Variants in GABRA6 observed in about 807,000 individuals in gnomAD.
The protein encoded by GABRA6 is gamma-aminobutyric acid receptor subunit alpha-6.
GABRA6 carries 45 observed loss-of-function variants against 47.3 expected under a neutral mutation model. That is an observed-to-expected ratio of 0.95 (90% CI 0.75 to 1.22). The LOEUF (loss-of-function observed/expected upper bound fraction) is 1.22. GABRA6 is among the 50% of genes most tolerant of loss of function. The probability of loss-of-function intolerance (pLI) is 0.00; values close to 1 mark genes in which losing one functional copy is unlikely to be tolerated. For missense variants in GABRA6, 583 were observed against 549.3 expected (o/e 1.06, Z -0.61); for synonymous variants, 219 against 194.7 (o/e 1.12, Z -1.04).
chr5:161,692,300 A>C, intron 8 of GABRA6, 100 bp downstream of exon 8: 2 of 1,418,108 alleles, frequency 1.4e-6, no homozygotes, highest in Non-Finnish European at 2.0e-6. Context: ...TGAGTTGAGC[A>C]CAGGTTATAT....
intron 8 of GABRA6, among the ~76,000 whole-genome samples, chr5:161,699,179 CAT>C (rs1352884691): frequency 6.6e-6 from 1 of 152,122 alleles, no homozygotes; most frequent in African/African-American, 2.4e-5. Context: ...GAAAGAAAAA[CAT>C]GTTTCAGACA....
chr5:161,700,019 A>G (rs1475539268), intron 8 of GABRA6, among the ~76,000 whole-genome samples: 1 of 152,192 alleles, frequency 6.6e-6, no homozygotes, highest in East Asian at 1.9e-4. Flanking sequence ...GCCCCTAAAA[A>G]CAGTGAATTT....
chr5:161,687,341 A>T, intron 3 of GABRA6: 4 of 386,530 alleles, frequency 1.0e-5, no homozygotes, highest in South Asian at 8.4e-5. Flanking sequence ...AAACACACAG[A>T]TCTTATTCCA....
chr5:161,696,254 T>C (rs899210492), intron 8 of GABRA6, among the ~76,000 whole-genome samples: 2 of 152,124 alleles, frequency 1.3e-5, no homozygotes, highest in African/African-American at 2.4e-5. Flanking sequence ...GGTGGTAAGG[T>C]GCACTGGGCC....
intron 6 of GABRA6, 49 bp downstream of exon 6, chr5:161,689,828 T>C: frequency 6.5e-7 from 1 of 1,540,956 alleles, no homozygotes; most frequent in Non-Finnish European, 9.0e-7. Flanking sequence ...ATGACTCCAG[T>C]GCACATTTTC....
In GABRA6 at chr5:161,688,938, T is replaced by C; in HGVS notation, c.226-11T>C. The C allele has an allele frequency of 6.2e-7, 1 of 1,606,786 alleles. No homozygotes were observed. Among genetic ancestry groups the C allele is most frequent in the East Asian group, 2.2e-5 (1 of 44,852 alleles). The stretch of plus-strand genomic sequence containing the variant: ...CTTTCCAGCCCACACAAATATTTTA[T>C]TTTCTCTTAGGAGTATACGATGGAT... On this transcript the variant is annotated splice_polypyrimidine_tract_variant and intron_variant, in intron 3 of 8. Coordinates refer to ENST00000274545, the MANE Select transcript of GABRA6 (RefSeq NM_000811.3).
Position 161,701,946 on chromosome 5 carries a change from C to T in GABRA6, c.*173C>T, listed in dbSNP as rs1339102915. The T allele has an allele frequency of 3.0e-6, 2 of 659,676 alleles. No homozygotes were observed. Among genetic ancestry groups the T allele is most frequent in the Non-Finnish European group, 5.1e-6 (2 of 389,092 alleles). The allele number at this position is 659,676 out of a possible 1,614,324, so 40.9% of individuals were successfully genotyped here. A position where few individuals can be genotyped will look rare whatever the true frequency, so the allele number is the denominator to read the frequency against. On this transcript the variant is annotated 3_prime_UTR_variant, in exon 9 of 9. Transcript: ENST00000274545. The stretch of plus-strand genomic sequence containing the variant: ...GGGCAAAAAAGCAATAATCCTACTC[C>T]TCAAAATAGAAAGTTGAAGATTGCT...
intron 6 of GABRA6, 39 bp downstream of exon 6, chr5:161,689,818 A>T (rs770808265): frequency 2.5e-6 from 4 of 1,573,034 alleles, no homozygotes; most frequent in Admixed American, 1.7e-5. Context: ...ATCCCTCAGG[A>T]TGACTCCAGT....
chr5:161,689,005 T>G lies in GABRA6; in HGVS notation c.282T>G (p.Phe94Leu). 1 of 1,614,032 alleles carries G rather than the reference T, an allele frequency of 6.2e-7. No homozygotes were observed. Among genetic ancestry groups the G allele is most frequent in the South Asian group, 1.1e-5 (1 of 91,086 alleles). ...RQTWTDERLKFGGPTEILSLN... is the reference protein window; with the variant it reads ...RQTWTDERLKLGGPTEILSLN... ...CCTGGACTGATGAGAGGTTGAAGTT[T>G]GGGGGGCCAACTGAGATTCTGAGTC... Residue 94 changes from phenylalanine to leucine, a missense_variant, in exon 4 of 9, where the codon TTT becomes TTG. Physicochemically the swap from Phe to Leu is conservative, Grantham distance 22. Transcript: ENST00000274545.
chr5:161,689,931 C>A, intron 6 of GABRA6, 152 bp downstream of exon 6: 3 of 803,714 alleles, frequency 3.7e-6, no homozygotes, highest in Non-Finnish European at 6.0e-6. Context: ...ACTGATTTTG[C>A]AACCAGGTGC....
At chr5:161,695,491 AG>A (rs1335888824) in intron 8 of GABRA6, among the ~76,000 whole-genome samples, 1 of 152,032 alleles carries the variant, frequency 6.6e-6, no homozygotes, top group African/African-American at 2.4e-5. Flanking sequence ...CATGAGTTTC[AG>A]AGCCTATTAA....
At chr5:161,689,918 A>G in intron 6 of GABRA6, 139 bp downstream of exon 6, 4 of 938,214 alleles carry the variant, frequency 4.3e-6, no homozygotes, top group Non-Finnish European at 4.9e-6. Context: ...AGCTTTCCTT[A>G]AAACTGATTT....
Position 161,702,591 on chromosome 5 carries a change from T to C in GABRA6, c.*818T>C, listed in dbSNP as rs185005576. The C allele has an allele frequency of 6.6e-6, 1 of 152,314 alleles. No homozygotes were observed. Among genetic ancestry groups the C allele is most frequent in the East Asian group, 1.9e-4 (1 of 5,176 alleles). 9.4% of individuals were successfully genotyped at this position (152,314 alleles called of 1,614,324 possible). ...ACACTAAATAAAACAACAATAAACA[T>C]GGTTCTCTGGATCTGTCTCATACAA... On this transcript the variant is annotated 3_prime_UTR_variant, in exon 9 of 9. Transcript: ENST00000274545.
At chr5:161,700,711 A>G (rs1432042343) in intron 8 of GABRA6, among the ~76,000 whole-genome samples, 1 of 152,174 alleles carries the variant, frequency 6.6e-6, no homozygotes, top group African/African-American at 2.4e-5. Context: ...TTTCAGTGAG[A>G]CAGGAGGTTT....
At chr5:161,689,225 C>T (rs565016499) in intron 4 of GABRA6, 29 bp from the exon 5 acceptor site, 1 of 1,612,538 alleles carries the variant, frequency 6.2e-7, no homozygotes, top group East Asian at 2.2e-5. Context: ...ATAATACTAA[C>T]TCAGAACCGT....
Position 161,690,221 on chromosome 5 carries a change from G to T in GABRA6, c.694G>T (p.Val232Phe). The T allele has an allele frequency of 1.9e-6, 3 of 1,613,750 alleles. No homozygotes were observed. The highest frequency in any genetic ancestry group is 2.5e-6 in the Non-Finnish European group (3 of 1,179,746). Residue 232 changes from valine (V) to phenylalanine (F), a missense_variant, in exon 7 of 9, where the codon GTT becomes TTT. By Grantham distance (50) the Val-to-Phe change is conservative. Transcript: ENST00000274545. Reference protein sequence around the residue: ...SNTGEYVIMTVYFHLQRKMGY... With the variant: ...SNTGEYVIMTFYFHLQRKMGY... ...AACAGGTGAATACGTTATAATGACA[G>T]TTTACTTCCACTTGCAAAGGAAGAT...
chr5:161,687,881 A>G (rs965943720), intron 3 of GABRA6, among the ~76,000 whole-genome samples: 1 of 152,164 alleles, frequency 6.6e-6, no homozygotes, highest in African/African-American at 2.4e-5. Flanking sequence ...AAATTGAAAG[A>G]AAAGGAAAGA....
chr5:161,690,133 T>A, intron 6 of GABRA6, 68 bp from the exon 7 acceptor site: 1 of 1,437,874 alleles, frequency 7.0e-7, no homozygotes, highest in South Asian at 1.1e-5. Context: ...TGTCAAGATT[T>A]ATATTCAACT....
chr5:161,695,478 CT>C (rs1754870772), intron 8 of GABRA6, among the ~76,000 whole-genome samples: 1 of 151,890 alleles, frequency 6.6e-6, no homozygotes, highest in Non-Finnish European at 1.5e-5. Flanking sequence ...TTACTTATAT[CT>C]TCATGAGTTT....
Sources: gnomAD v4.1 joint callset for allele counts (sites outside exome capture counted in the v4.1 genomes callset) on GRCh38, gnomAD v4.1.1 for gene constraint, MANE v1.5 for transcripts, NCBI Gene and HGNC (gene_info 2026-07-23, HGNC 2026-07-21) for gene names.